Variants in ERICH3 observed in about 807,000 individuals in gnomAD.
The protein encoded by ERICH3 is glutamate-rich protein 3.
Under a neutral mutation model 131.1 loss-of-function variants are expected in ERICH3, and 126 were observed. The ratio of observed to expected loss-of-function variants is 0.96; its 90% CI spans 0.83 to 1.11. The LOEUF (loss-of-function observed/expected upper bound fraction) is 1.11. Ranked by LOEUF, ERICH3 falls within the 50% of genes most tolerant of loss-of-function variation. ERICH3 has a pLI of 0.00. For synonymous variants in ERICH3, 695 were observed against 644.6 expected, an observed-to-expected ratio of 1.08 and a Z score of -1.18; for missense variants, 2,050 against 1,810.7, an observed-to-expected ratio of 1.13 and a Z score of -2.40.
chr1:74,589,532 T>A, intron 12 of ERICH3, 99 bp downstream of exon 12: 1 of 1,134,248 alleles, frequency 8.8e-7, no homozygotes, highest in Non-Finnish European at 1.3e-6. Flanking sequence ...CCTAAAGCAT[T>A]GTCACAGTAG....
At chr1:74,654,389 C>T (rs564625978) in intron 1 of ERICH3, among the ~76,000 whole-genome samples, 32 of 151,038 alleles carry the variant, frequency 2.1e-4, no homozygotes, top group African/African-American at 6.6e-4. Flanking sequence ...TATGTATATC[C>T]TACAGTAGGA....
rs867387777 is a variant in ERICH3, at chr1:74,589,709, C to A, written c.2098G>T (p.Asp700Tyr). Residue 700 changes from aspartate to tyrosine, a missense_variant, in exon 12 of 15, where the codon GAT becomes TAT. Asp to Tyr is a radical substitution (Grantham distance 160). Transcript: ENST00000326665. ...KHVSAEEKEK[D>Y]KSKLWEESTA... ...CTTTCTTCCCAAAGCTTACTCTTAT[C>A]CTTTTCCTTTTCTTCTGCAGAAACA... 5.0e-6 allele frequency: 8 copies of A among 1,614,082 alleles called. No homozygotes were observed. Among genetic ancestry groups the A allele is most frequent in the Non-Finnish European group, 6.8e-6 (8 of 1,179,958 alleles).
chr1:74,670,565 C>A (rs186436842), intron 1 of ERICH3, among the ~76,000 whole-genome samples: 28 of 152,288 alleles, frequency 1.8e-4, no homozygotes, highest in Non-Finnish European at 3.4e-4. Context: ...ATTTCTTATG[C>A]CTGTCTTTAC....
intron 1 of ERICH3, among the ~76,000 whole-genome samples, chr1:74,670,115 T>A (rs957316910): frequency 1.3e-5 from 2 of 152,210 alleles, no homozygotes; most frequent in African/African-American, 2.4e-5. Context: ...TTTTAAGACA[T>A]TTAGATTTGT....
Position 74,589,957 on chromosome 1 carries a change from C to A in ERICH3, c.1850G>T (p.Arg617Met), listed in dbSNP as rs776539834. 8 of 1,613,854 alleles carry A rather than the reference C, an allele frequency of 5.0e-6. No individual in the cohort carries two copies. Among genetic ancestry groups the A allele is most frequent in the South Asian group, 1.1e-5 (1 of 91,088 alleles). Residue 617 changes from arginine to methionine, a missense_variant, in exon 12 of 15, where the codon AGG (arginine) becomes ATG (methionine). Physicochemically the swap from Arg to Met is moderately conservative, Grantham distance 91. Coordinates refer to ENST00000326665, the MANE Select transcript of ERICH3 (RefSeq NM_001002912.5). ...TTCACTCAGTTCCTGAGAAGATGAC[C>A]TTCTGGCACTTTCATCTGTGCTGCT... is the stretch of plus-strand genomic sequence containing the variant. Reference protein sequence around the residue: ...TDSSTDESARRSSSQELSEND... With the variant: ...TDSSTDESARMSSSQELSEND...
chr1:74,582,735 T>C (rs1041177561), intron 12 of ERICH3, among the ~76,000 whole-genome samples: 12 of 152,186 alleles, frequency 7.9e-5, no homozygotes, highest in African/African-American at 2.9e-4. Flanking sequence ...AAATATTAAA[T>C]ATTTACTAAA....
intron 11 of ERICH3, among the ~76,000 whole-genome samples, chr1:74,594,658 CA>C (rs1221233709): frequency 6.6e-6 from 1 of 152,082 alleles, no homozygotes. Flanking sequence ...ATCCACTGTA[CA>C]TGTTCATAAA....
chr1:74,672,897 A>G (rs1646754808), intron 1 of ERICH3, among the ~76,000 whole-genome samples: 1 of 152,140 alleles, frequency 6.6e-6, no homozygotes, highest in Admixed American at 6.5e-5. Context: ...ATCATGAGTA[A>G]ATACACAGGC....
At chr1:74,587,935 G>A (rs1647410064) in intron 12 of ERICH3, among the ~76,000 whole-genome samples, 1 of 152,188 alleles carries the variant, frequency 6.6e-6, no homozygotes, top group Non-Finnish European at 1.5e-5. Context: ...TTCTAGGGCA[G>A]AGGTTTATGA....
chr1:74,636,136 A>C, intron 6 of ERICH3, 144 bp downstream of exon 6: 1 of 640,110 alleles, frequency 1.6e-6, no homozygotes, highest in Non-Finnish European at 2.3e-6. Context: ...AATTAATCAC[A>C]AGTATGTAGT....
Position 74,571,832 on chromosome 1 carries a change from T to C in ERICH3, c.3878A>G (p.Asp1293Gly). 6.2e-7 allele frequency: 1 copy of C among 1,612,880 alleles called. No individual in the cohort carries two copies. The highest frequency in any genetic ancestry group is 8.5e-7 in the Non-Finnish European group (1 of 1,180,028). Residue 1293 changes from aspartate to glycine, a missense_variant, in exon 14 of 15, where the codon GAC (aspartate) becomes GGC (glycine). By Grantham distance (94) the Asp-to-Gly change is moderately conservative. Coordinates refer to ENST00000326665, the MANE Select transcript of ERICH3 (RefSeq NM_001002912.5). ...CTCTTTGTCCTCTTCCTCCTCTGGG[T>C]CCTCATCCACCGCTTCCTCCCTGAA... is the stretch of plus-strand genomic sequence containing the variant. ...EKFREEAVDEDPEEEEDKECT... is the reference protein window; with the variant it reads ...EKFREEAVDEGPEEEEDKECT...
At chr1:74,660,638 GTA>G (rs1298024533) in intron 1 of ERICH3, among the ~76,000 whole-genome samples, 5 of 147,566 alleles carry the variant, frequency 3.4e-5, no homozygotes, top group African/African-American at 1.2e-4. Flanking sequence ...ATACACATGT[GTA>G]TATATGTGTA....
chr1:74,668,546 G>A (rs146299543), intron 1 of ERICH3, among the ~76,000 whole-genome samples: 113 of 152,256 alleles, frequency 7.4e-4, no homozygotes, highest in South Asian at 5.4e-3. Flanking sequence ...CATTTTTTGT[G>A]TCTGATCACT....
chr1:74,673,158 C>T (rs949701343), intron 1 of ERICH3, among the ~76,000 whole-genome samples: 2 of 152,200 alleles, frequency 1.3e-5, no homozygotes, highest in Non-Finnish European at 2.9e-5. Flanking sequence ...TCTTTTGCAT[C>T]TAAACACACA....
rs1338611057 is a variant in ERICH3 at position 74,641,316 on chromosome 1, T to C, written c.444+15A>G. 1 of 1,610,380 alleles carries C rather than the reference T, an allele frequency of 6.2e-7. No homozygotes were observed. Among genetic ancestry groups the C allele is most frequent in the East Asian group, 2.2e-5 (1 of 44,704 alleles). On this transcript the variant is annotated intron_variant, in intron 5 of 14. Coordinates refer to ENST00000326665, the MANE Select transcript of ERICH3 (RefSeq NM_001002912.5). Reference sequence around the variant, plus strand: ...AGCTGGGATACTGCATGACGAAGTGTTTAATATTACTCACCAGTGCTAACG... The same window carrying C: ...AGCTGGGATACTGCATGACGAAGTGCTTAATATTACTCACCAGTGCTAACG...
intron 1 of ERICH3, among the ~76,000 whole-genome samples, chr1:74,653,648 C>T (rs12094235): frequency 0.048 from 7,286 of 152,124 alleles, 589 homozygotes; most frequent in African/African-American, 0.17. Context: ...CAATATCTAA[C>T]TATTACAGCT....
intron 1 of ERICH3, among the ~76,000 whole-genome samples, chr1:74,659,323 CATGT>C (rs1191999762): frequency 1.2e-5 from 1 of 85,860 alleles, no homozygotes; most frequent in African/African-American, 5.0e-5. Context: ...TGCACAGGCG[CATGT>C]GTGTGTGTGT....
chr1:74,660,657 T>A (rs1225786697), intron 1 of ERICH3, among the ~76,000 whole-genome samples: 1 of 148,846 alleles, frequency 6.7e-6, no homozygotes, highest in African/African-American at 2.4e-5. Context: ...TGTATATATG[T>A]GTATACAAGT....
chr1:74,612,041 C>T (rs1648722356), intron 9 of ERICH3, among the ~76,000 whole-genome samples: 1 of 152,152 alleles, frequency 6.6e-6, no homozygotes, highest in East Asian at 1.9e-4. Flanking sequence ...ACAAGCAAGA[C>T]TCCTGATTTC....
Sources: allele counts gnomAD v4.1 joint callset (sites outside exome capture counted in the v4.1 genomes callset), GRCh38; gene constraint gnomAD v4.1.1; transcripts MANE v1.5; gene names NCBI Gene and HGNC (gene_info 2026-07-23, HGNC 2026-07-21).